The following NLK variants were observed in gnomAD, a reference collection of about 807,000 sequenced individuals.
The protein encoded by NLK is serine/threonine-protein kinase NLK.
NLK carries 11 observed loss-of-function variants against 59.0 expected under a neutral mutation model. The observed-to-expected ratio is 0.19, with a 90% confidence interval of 0.12 to 0.31. The LOEUF is 0.31. Ranked by LOEUF, NLK falls within the 10% of genes least tolerant of loss-of-function variation. The pLI, the probability that NLK is intolerant of heterozygous loss-of-function variation, is 1.00. For synonymous variants in NLK, 235 were observed against 235.9 expected, an observed-to-expected ratio of 1.00 and a Z score of 0.03; for missense variants, 410 against 661.1, an observed-to-expected ratio of 0.62 and a Z score of 4.16.
At chr17:28,067,550 C>T (rs902510078) in intron 1 of NLK, among the ~76,000 whole-genome samples, 7 of 148,124 alleles carry the variant, frequency 4.7e-5, no homozygotes, top group African/African-American at 1.7e-4. Flanking sequence ...AAAAAAAAGG[C>T]TGACAATTAA....
At chr17:28,191,243 G>C in intron 9 of NLK, 24 bp downstream of exon 9, 1 of 1,568,386 alleles carries the variant, frequency 6.4e-7, no homozygotes, top group Non-Finnish European at 8.6e-7. Context: ...TTGGCCTTTG[G>C]CCAGGCAATA....
chr17:28,183,544 G>C (rs1179772129), intron 7 of NLK, among the ~76,000 whole-genome samples: 2 of 152,122 alleles, frequency 1.3e-5, no homozygotes, highest in Non-Finnish European at 2.9e-5. Context: ...TCCCAGGCTG[G>C]TCTCAAACTC....
intron 1 of NLK, among the ~76,000 whole-genome samples, chr17:28,051,342 G>C (rs189318459): frequency 6.6e-6 from 1 of 151,666 alleles, no homozygotes; most frequent in Non-Finnish European, 1.5e-5. Context: ...TGATGTTCAA[G>C]GTGCCATTTC....
rs557107457 is a variant in NLK, at chr17:28,073,410, C to G, written c.458+30079C>G. On this transcript the variant is annotated intron_variant, in intron 1 of 10. Coordinates refer to ENST00000407008, the MANE Select transcript of NLK (RefSeq NM_016231.5). Reference sequence around the variant, plus strand: ...AGGCTTTTGTCCACCGAGGATTGGCCAGTAACTCCAGGGAAAACTGTCTAT... The same window carrying G: ...AGGCTTTTGTCCACCGAGGATTGGCGAGTAACTCCAGGGAAAACTGTCTAT... Among the ~76,000 whole-genome samples, 6 of 152,288 alleles carry G rather than the reference C, an allele frequency of 3.9e-5. No individual in the cohort carries two copies. In the East Asian group the frequency reaches 1.2e-3, roughly 29 times the overall value.
At chr17:28,156,174 GTA>G (rs1448396961) in intron 3 of NLK, among the ~76,000 whole-genome samples, 1 of 152,010 alleles carries the variant, frequency 6.6e-6, no homozygotes, top group Admixed American at 6.6e-5. Flanking sequence ...AGAGCCAGTA[GTA>G]TATAAGTATA....
intron 3 of NLK, among the ~76,000 whole-genome samples, chr17:28,141,456 G>A (rs748406270): frequency 2.6e-5 from 4 of 152,194 alleles, no homozygotes; most frequent in Non-Finnish European, 4.4e-5. Context: ...TCAAAATGCT[G>A]TTGCGGTTGC....
At chr17:28,192,291 GT>G in intron 10 of NLK, 78 bp downstream of exon 10, 1 of 795,152 alleles carries the variant, frequency 1.3e-6, no homozygotes, top group Non-Finnish European at 2.1e-6. Context: ...CAGCATATTT[GT>G]TTTTATTTAG....
intron 5 of NLK, among the ~76,000 whole-genome samples, chr17:28,164,785 C>T (rs1908154748): frequency 6.6e-6 from 1 of 152,100 alleles, no homozygotes; most frequent in African/African-American, 2.4e-5. Flanking sequence ...TCAAGACTAT[C>T]ATTATTACTT....
At position 28,042,931 on chromosome 17, in the gene NLK, A is replaced by G. The variant is rs1230218598; in HGVS notation, c.58A>G (p.Thr20Ala). 6.5e-7 allele frequency: 1 copy of G among 1,549,020 alleles called. No homozygotes were observed. Among genetic ancestry groups the G allele is most frequent in the African/African-American group, 1.4e-5 (1 of 73,050 alleles). Residue 20 changes from threonine (T) to alanine (A), a missense_variant, in exon 1 of 11, where the codon ACA becomes GCA. By Grantham distance (58) the Thr-to-Ala change is moderately conservative (BLOSUM62 0). Coordinates refer to ENST00000407008, the MANE Select transcript of NLK (RefSeq NM_016231.5). ...AKMMAAYNGG[T>A]SAAAAGHHHH... ...AATGATGGCGGCTTACAATGGCGGT[A>G]CATCTGCAGCAGCAGCAGGTCACCA... is the stretch of plus-strand genomic sequence containing the variant.
rs557020730 is a variant in NLK, at chr17:28,079,289, A to G, written c.458+35958A>G. On this transcript the variant is annotated intron_variant, in intron 1 of 10. Coordinates refer to ENST00000407008, the MANE Select transcript of NLK (RefSeq NM_016231.5). ...TATCCATTGATAGACAGATGTTTCC[A>G]TCTCTTGGCTTTTGTGAATCTTGCT... 1.4e-3 allele frequency among the ~76,000 whole-genome samples: 211 copies of G among 152,308 alleles called. 3 individuals carry two copies. The South Asian group carries it at 0.039, about 28-fold the overall frequency.
intron 9 of NLK, among the ~76,000 whole-genome samples, chr17:28,191,831 A>G (rs1210617939): frequency 1.3e-5 from 2 of 152,240 alleles, no homozygotes; most frequent in East Asian, 3.8e-4. Flanking sequence ...GAGTTCACCC[A>G]TAATGCCAAA....
Position 28,172,555 on chromosome 17 carries a change from G to A in NLK, c.1086G>A (p.Leu362=). Residue 362 remains leucine, a synonymous_variant, in exon 7 of 11, where the codon CTG becomes CTA. Coordinates refer to ENST00000407008, the MANE Select transcript of NLK (RefSeq NM_016231.5). ...CGGATCTGTTGGGCACACCATCACTGGAAGCAATGAGGACAGCTTGTGAAG... is the reference window on the plus strand; with the variant it reads ...CGGATCTGTTGGGCACACCATCACTAGAAGCAATGAGGACAGCTTGTGAAG... ...LITDLLGTPS[L]EAMRTACEGA... is the part of the protein sequence containing the mutation. 1 of 1,596,548 alleles carries A rather than the reference G, an allele frequency of 6.3e-7. No homozygotes were observed. Among genetic ancestry groups the A allele is most frequent in the Non-Finnish European group, 8.5e-7 (1 of 1,172,188 alleles).
intron 3 of NLK, among the ~76,000 whole-genome samples, chr17:28,142,546 CTG>C (rs1232443974): frequency 6.6e-6 from 1 of 152,178 alleles, no homozygotes. Flanking sequence ...ACAATGCTCT[CTG>C]TGACACATTG....
intron 1 of NLK, among the ~76,000 whole-genome samples, chr17:28,112,847 T>C (rs547860032): frequency 2.0e-4 from 31 of 152,300 alleles, no homozygotes; most frequent in African/African-American, 7.2e-4. Flanking sequence ...TTCCTAATAA[T>C]GTATTCTTGT....
intron 3 of NLK, among the ~76,000 whole-genome samples, chr17:28,143,215 T>C (rs1907084765): frequency 6.6e-6 from 1 of 152,038 alleles, no homozygotes; most frequent in Non-Finnish European, 1.5e-5. Flanking sequence ...GGCTAATTTT[T>C]GTATTTTTAA....
At chr17:28,061,810 C>CAT (rs1190555221) in intron 1 of NLK, among the ~76,000 whole-genome samples, 1 of 142,252 alleles carries the variant, frequency 7.0e-6, no homozygotes, top group Admixed American at 7.3e-5. Context: ...TATACATATA[C>CAT]ATATATAATA....
intron 3 of NLK, among the ~76,000 whole-genome samples, chr17:28,152,360 C>T (rs1358814077): frequency 2.0e-5 from 3 of 152,188 alleles, no homozygotes; most frequent in Non-Finnish European, 1.5e-5. Flanking sequence ...GCAAGATTTT[C>T]CAAGTGCCAG....
rs1910542152 is a variant in NLK at position 28,087,044 on chromosome 17, T to A, written c.459-35559T>A. Among the ~76,000 whole-genome samples, 3 of 150,486 alleles carry A rather than the reference T, an allele frequency of 2.0e-5. No homozygotes were observed. In the South Asian group the frequency reaches 6.3e-4, roughly 32 times the overall value. ...GCCTGGGTGACACCCCATGACCTTG[T>A]CGCTCTCAAAAAAAAAAAAAAGTTG... On this transcript the variant is annotated intron_variant, in intron 1 of 10. Transcript: ENST00000407008.
chr17:28,153,271 C>A (rs1475643982), intron 3 of NLK, among the ~76,000 whole-genome samples: 9 of 150,196 alleles, frequency 6.0e-5, no homozygotes, highest in African/African-American at 2.2e-4. Context: ...CGAAATTCCC[C>A]CTCAAAAAAA....
Sources: allele counts gnomAD v4.1 joint callset (sites outside exome capture counted in the v4.1 genomes callset), GRCh38; gene constraint gnomAD v4.1.1; transcripts MANE v1.5; gene names NCBI Gene and HGNC (gene_info 2026-07-23, HGNC 2026-07-21).